Variants in OR2Z1 observed in about 807,000 individuals in gnomAD.
The protein encoded by OR2Z1 is olfactory receptor 2Z1.
For synonymous variants in OR2Z1, 188 were observed against 160.6 expected (o/e 1.17, Z -1.29); for missense variants, 449 against 401.8 (o/e 1.12, Z -1.00).
chr19:8,731,388 T>C lies in OR2Z1; in HGVS notation c.360T>C (p.Tyr120=). 6.2e-7 allele frequency: 1 copy of C among 1,614,110 alleles called. No homozygotes were observed. The highest frequency in any genetic ancestry group is 8.5e-7 in the Non-Finnish European group (1 of 1,180,022). The stretch of plus-strand genomic sequence containing the variant: ...GCGTCCTGTTGGTCCTCATGTCTTA[T>C]GACCGTTATGTTGCTGTGTGCCAGC... ...AEGVLLVLMS[Y]DRYVAVCQPL... The change falls in exon 3 of 3, where the codon TAT becomes TAC. Residue 120 remains tyrosine, a synonymous_variant. Coordinates refer to ENST00000641125, the MANE Select transcript of OR2Z1 (RefSeq NM_001004699.3).
At position 8,731,633 on chromosome 19, in the gene OR2Z1, CA is replaced by C. The variant is rs782274116; in HGVS notation, c.606del (p.Val204CysfsTer2). 1 of 1,614,128 alleles carries C rather than the reference CA, an allele frequency of 6.2e-7. No homozygotes were observed. The highest frequency in any genetic ancestry group is 8.5e-7 in the Non-Finnish European group (1 of 1,180,022). The stretch of plus-strand genomic sequence containing the variant: ...GCCTACGAGATGGCGCTGTCCACCT[CA>C]GGGGTGCTGATCCTAATGCTCCCTC... ...TCAYEMALST[S>X]GVLILMLPLS... On this transcript the variant is annotated frameshift_variant, in exon 3 of 3. Coordinates refer to ENST00000641125, the MANE Select transcript of OR2Z1 (RefSeq NM_001004699.3). LOFTEE classifies it low-confidence loss of function (END_TRUNC).
intron 2 of OR2Z1, chr19:8,729,079 A>G: frequency 8.5e-7 from 1 of 1,173,700 alleles, no homozygotes; most frequent in Non-Finnish European, 1.2e-6. Flanking sequence ...AAGGTGGGTG[A>G]CATGTGGGAT....
chr19:8,728,502 T>C (rs1213854309), intron 2 of OR2Z1, among the ~76,000 whole-genome samples: 1 of 152,188 alleles, frequency 6.6e-6, no homozygotes, highest in East Asian at 1.9e-4. Flanking sequence ...CCTCCTGCTG[T>C]CATTGTGCCT....
rs2043360279 is a variant in OR2Z1, at chr19:8,731,970, C to G, written c.942C>G (p.Cys314Trp). Residue 314 changes from cysteine to tryptophan, a missense_variant, in exon 3 of 3, where the codon TGC becomes TGG. Coordinates refer to ENST00000641125, the MANE Select transcript of OR2Z1 (RefSeq NM_001004699.3). ...GCAGAGCTGGACTCAGGCAAATGTG[C>G]TGACTACATAGAAACTGCTGGTGAG... The part of the protein sequence containing the change: ...VLSRAGLRQM[C>W] The G allele has an allele frequency of 1.9e-6, 3 of 1,609,260 alleles. No individual in the cohort carries two copies. The highest frequency in any genetic ancestry group is 1.7e-6 in the Non-Finnish European group (2 of 1,176,586).
At chr19:8,729,612 C>T (rs545797408) in intron 2 of OR2Z1, among the ~76,000 whole-genome samples, 93 of 149,686 alleles carry the variant, frequency 6.2e-4, no homozygotes, top group Middle Eastern at 3.4e-3. Flanking sequence ...TTTTTTTTGA[C>T]GGAGTTTTGC....
In OR2Z1 at chr19:8,731,652, G is replaced by C. The variant is rs372466607; in HGVS notation, c.624G>C (p.Met208Ile). Residue 208 changes from methionine (M) to isoleucine (I), a missense_variant, in exon 3 of 3, where the codon ATG (methionine) becomes ATC (isoleucine). Met to Ile is a conservative substitution (Grantham distance 10). Coordinates refer to ENST00000641125, the MANE Select transcript of OR2Z1 (RefSeq NM_001004699.3). ...ALSTSGVLIL[M>I]LPLSLIATSY... ...CCACCTCAGGGGTGCTGATCCTAAT[G>C]CTCCCTCTTTCCCTCATCGCCACCT... 20 of 1,613,836 alleles carry C rather than the reference G, an allele frequency of 1.2e-5. No individual in the cohort carries two copies. The Admixed American group carries it at 2.2e-4, about 17-fold the overall frequency.
chr19:8,729,011 G>T (rs2043339353), intron 2 of OR2Z1: 1 of 806,182 alleles, frequency 1.2e-6, no homozygotes, highest in Non-Finnish European at 2.1e-6. Flanking sequence ...TTCTCCTGGG[G>T]GTGCTCTTTC....
chr19:8,729,479 T>C (rs1555756494), intron 2 of OR2Z1, among the ~76,000 whole-genome samples: 2 of 150,870 alleles, frequency 1.3e-5, no homozygotes, highest in African/African-American at 4.9e-5. Flanking sequence ...GATGTGATCA[T>C]AGCTCACTGC....
Position 8,731,296 on chromosome 19 carries a change from GGTGCC to G in OR2Z1, c.269_273del (p.Gly90AspfsTer20), listed in dbSNP as rs2043353146. 1 of 1,614,042 alleles carries G rather than the reference GGTGCC, an allele frequency of 6.2e-7. No individual in the cohort carries two copies. Among genetic ancestry groups the G allele is most frequent in the Non-Finnish European group, 8.5e-7 (1 of 1,180,032 alleles). ...GGCATCAGACTTTCTGCGGGGAGAA[GGTGCC>G]ACCTCCTATGGAGGTGGTGCAGCTC... On this transcript the variant is annotated frameshift_variant, in exon 3 of 3. Transcript: ENST00000641125. LOFTEE classifies it low-confidence loss of function (END_TRUNC).
intron 2 of OR2Z1, among the ~76,000 whole-genome samples, chr19:8,729,555 C>A (rs985355351): frequency 4.0e-5 from 6 of 151,632 alleles, no homozygotes; most frequent in Non-Finnish European, 8.8e-5. Flanking sequence ...AGACTACAGG[C>A]AGTCACCACC....
chr19:8,726,381 C>A (rs1413781555), intron 2 of OR2Z1, among the ~76,000 whole-genome samples: 3 of 152,224 alleles, frequency 2.0e-5, no homozygotes, highest in African/African-American at 7.2e-5. Context: ...CACCTCCCAG[C>A]AGGCCCCACC....
chr19:8,730,355 G>C (rs1341674022), intron 2 of OR2Z1, among the ~76,000 whole-genome samples: 2 of 151,982 alleles, frequency 1.3e-5, no homozygotes, highest in East Asian at 3.9e-4. Flanking sequence ...CTCAGCTTTG[G>C]TTAAGGACCC....
At chr19:8,727,208 T>C (rs528307348) in intron 2 of OR2Z1, among the ~76,000 whole-genome samples, 161 of 152,270 alleles carry the variant, frequency 1.1e-3, no homozygotes, top group Non-Finnish European at 1.9e-3. Flanking sequence ...CCTCCCAAAG[T>C]GCTGGGATTA....
chr19:8,725,177 G>A (rs1485763273), intron 2 of OR2Z1, among the ~76,000 whole-genome samples: 1 of 152,132 alleles, frequency 6.6e-6, no homozygotes, highest in African/African-American at 2.4e-5. Context: ...CATGTTCCCT[G>A]TCAAACTCTA....
chr19:8,730,985 T>C lies in OR2Z1; in HGVS notation c.-44T>C. On this transcript the variant is annotated 5_prime_UTR_variant, in exon 3 of 3. Transcript: ENST00000641125. ...GCCACCCCATGCAGGCTTCTTGCCA[T>C]AGTTCAGCTGTTCTTCCTGCAGCTA... 9 of 1,517,164 alleles carry C rather than the reference T, an allele frequency of 5.9e-6. No individual in the cohort carries two copies. Among genetic ancestry groups the C allele is most frequent in the Non-Finnish European group, 8.2e-6 (9 of 1,100,110 alleles). 94.0% of individuals were successfully genotyped at this position (1,517,164 alleles called of 1,614,324 possible).
chr19:8,729,909 A>T (rs782792590), intron 2 of OR2Z1, among the ~76,000 whole-genome samples: 1 of 151,738 alleles, frequency 6.6e-6, no homozygotes, highest in Non-Finnish European at 1.5e-5. Flanking sequence ...GGGTCTTGTC[A>T]TGTCACCCAG....
intron 2 of OR2Z1, among the ~76,000 whole-genome samples, chr19:8,724,568 G>C (rs1555755981): frequency 6.6e-6 from 1 of 152,106 alleles, no homozygotes; most frequent in Non-Finnish European, 1.5e-5. Context: ...AGGGCTTGCT[G>C]AATATTTCTA....
At chr19:8,725,578 T>A (rs1441936287) in intron 2 of OR2Z1, among the ~76,000 whole-genome samples, 1 of 152,246 alleles carries the variant, frequency 6.6e-6, no homozygotes, top group Non-Finnish European at 1.5e-5. Context: ...TCTGGAAAAA[T>A]GCTACCAATG....
At chr19:8,722,867 T>C (rs1218377493) in intron 1 of OR2Z1, among the ~76,000 whole-genome samples, 5 of 151,984 alleles carry the variant, frequency 3.3e-5, no homozygotes, top group African/African-American at 1.2e-4. Context: ...TAAAAATTAG[T>C]CAGGTGTGGT....
Sources: allele counts gnomAD v4.1 joint callset (sites outside exome capture counted in the v4.1 genomes callset), GRCh38; gene constraint gnomAD v4.1.1; transcripts MANE v1.5; gene names NCBI Gene and HGNC (gene_info 2026-07-23, HGNC 2026-07-21).